FRMD4B: variants seen among roughly 807,000 people sequenced by gnomAD.
The protein encoded by FRMD4B is FERM domain-containing protein 4B.
FRMD4B carries 74 observed loss-of-function variants against 141.5 expected under a neutral mutation model. The observed-to-expected ratio is 0.52, with a 90% CI of 0.43 to 0.63. FRMD4B has a LOEUF of 0.63. FRMD4B is among the 30% of genes least tolerant of loss of function. The probability of loss-of-function intolerance (pLI) is 0.00; values close to 1 mark genes in which losing one functional copy is unlikely to be tolerated. For synonymous variants in FRMD4B, 506 were observed against 467.9 expected (o/e 1.08, Z -1.05); for missense variants, 1,366 against 1,253.4 (o/e 1.09, Z -1.36).
chr3:69,259,211 A>C (rs2093511237), intron 5 of FRMD4B, among the ~76,000 whole-genome samples: 1 of 152,174 alleles, frequency 6.6e-6, no homozygotes, highest in Non-Finnish European at 1.5e-5. Context: ...GATTCCGTGC[A>C]TGTGCAGTTC....
intron 2 of FRMD4B, among the ~76,000 whole-genome samples, chr3:69,416,339 C>T (rs1050076031): frequency 6.6e-6 from 1 of 152,184 alleles, no homozygotes; most frequent in Non-Finnish European, 1.5e-5. Context: ...TGGCTATTCA[C>T]AGGCACCCAC....
chr3:69,438,517 A>C (rs1473899957), intron 1 of FRMD4B, among the ~76,000 whole-genome samples: 1 of 152,162 alleles, frequency 6.6e-6, no homozygotes, highest in Non-Finnish European at 1.5e-5. Context: ...ACATCACTTG[A>C]ATGTGTCATT....
At chr3:69,397,927 A>G (rs896309661) in intron 2 of FRMD4B, among the ~76,000 whole-genome samples, 1 of 152,198 alleles carries the variant, frequency 6.6e-6, no homozygotes, top group Non-Finnish European at 1.5e-5. Context: ...ACCACAGAAA[A>G]CATCTTAACT....
intron 9 of FRMD4B, among the ~76,000 whole-genome samples, chr3:69,221,445 T>G (rs2093194053): frequency 6.6e-6 from 1 of 152,168 alleles, no homozygotes; most frequent in East Asian, 1.9e-4. Context: ...TTGGCTAACA[T>G]TGCATTAAAT....
rs141684426 is a variant in FRMD4B at position 69,309,422 on chromosome 3, G to A, written c.323+1841C>T. On this transcript the variant is annotated intron_variant, in intron 3 of 22. Transcript: ENST00000398540. The stretch of plus-strand genomic sequence containing the variant: ...CTCCAAAAGTGTTAGGATCACAGGT[G>A]TGAGCCACTCTTAATGTAAATATAT... Among the ~76,000 whole-genome samples the A allele has an allele frequency of 7.8e-3, 1,184 of 150,892 alleles. 9 individuals are homozygous for A. Among genetic ancestry groups the A allele is most frequent in the Non-Finnish European group, 0.013 (876 of 67,862 alleles).
At chr3:69,408,033 A>T (rs1330078261) in intron 2 of FRMD4B, among the ~76,000 whole-genome samples, 1 of 152,014 alleles carries the variant, frequency 6.6e-6, no homozygotes, top group Non-Finnish European at 1.5e-5. Flanking sequence ...TAGCTACTTA[A>T]CTCTGCTGTT....
chr3:69,355,132 C>T (rs540990428), intron 1 of FRMD4B, among the ~76,000 whole-genome samples: 10 of 152,100 alleles, frequency 6.6e-5, no homozygotes, highest in South Asian at 4.2e-4. Flanking sequence ...GGAGATGCTG[C>T]GCTGTGATAA....
chr3:69,198,553 C>A, intron 12 of FRMD4B, 145 bp downstream of exon 12: 1 of 616,384 alleles, frequency 1.6e-6, no homozygotes, highest in South Asian at 2.1e-5. Context: ...AAGATAGTTA[C>A]CATTTGACCC....
chr3:69,388,898 T>G (rs1326262678), upstream of FRMD4B, among the ~76,000 whole-genome samples: 2 of 152,188 alleles, frequency 1.3e-5, no homozygotes, highest in Non-Finnish European at 2.9e-5. Flanking sequence ...ATGGATATAT[T>G]GCATTGTGGC....
intron 1 of FRMD4B, among the ~76,000 whole-genome samples, chr3:69,352,600 T>C (rs1465792843): frequency 6.6e-6 from 1 of 152,086 alleles, no homozygotes; most frequent in East Asian, 1.9e-4. Context: ...GGAAGAAAAA[T>C]GGCCACATGG....
At chr3:69,285,445 G>A (rs1045398270) in intron 5 of FRMD4B, among the ~76,000 whole-genome samples, 22 of 147,012 alleles carry the variant, frequency 1.5e-4, no homozygotes, top group Admixed American at 1.3e-3. Context: ...AAATGTTTCC[G>A]AATTTGATGA....
intron 22 of FRMD4B, among the ~76,000 whole-genome samples, chr3:69,175,010 G>A (rs2092627682): frequency 6.6e-6 from 1 of 152,020 alleles, no homozygotes; most frequent in African/African-American, 2.4e-5. Flanking sequence ...TATAGCCTTT[G>A]TTTAGCTGAG....
chr3:69,278,457 T>C (rs1048702137), intron 5 of FRMD4B, among the ~76,000 whole-genome samples: 1 of 151,288 alleles, frequency 6.6e-6, no homozygotes, highest in Non-Finnish European at 1.5e-5. Flanking sequence ...CACTAACTTA[T>C]TGGCTATTTT....
At position 69,182,656 on chromosome 3, in the gene FRMD4B, G is replaced by A. The variant is rs2092720384; in HGVS notation, c.1981C>T (p.Arg661Ter). 1 of 1,613,610 alleles carries A rather than the reference G, an allele frequency of 6.2e-7. No homozygotes were observed. Among genetic ancestry groups the A allele is most frequent in the Middle Eastern group, 1.6e-4 (1 of 6,062 alleles). The change falls in exon 20 of 23, where the codon CGA (arginine) becomes TGA (stop). Residue 661 changes from arginine to a stop codon, truncating the protein, a stop_gained. Transcript: ENST00000398540. LOFTEE classifies it high-confidence loss of function. ...KTLERRPQGG[R>*]SMPTTPVLTR... The stretch of plus-strand genomic sequence containing the variant: ...AGAACTGGCGTGGTGGGCATGCTTC[G>A]TCCTCCCTGGGGCCGCCTCTCCAGA...
At position 69,248,418 on chromosome 3, in the gene FRMD4B, C is replaced by T. The variant is rs2093439621; in HGVS notation, c.581+808G>A. Among the ~76,000 whole-genome samples, 4 of 152,156 alleles carry T rather than the reference C, an allele frequency of 2.6e-5. 1 individual carries two copies. The South Asian group carries it at 8.3e-4, about 31-fold the overall frequency. On this transcript the variant is annotated intron_variant, in intron 7 of 22. Coordinates refer to ENST00000398540, the MANE Select transcript of FRMD4B (RefSeq NM_015123.3). ...TCCGAACTGAAGTACAACTCCGTAA[C>T]TGGAAGTTTTCAAGGTTGGAAGGCA... is the stretch of plus-strand genomic sequence containing the variant.
chr3:69,281,045 C>T (rs1219696853), intron 5 of FRMD4B, among the ~76,000 whole-genome samples: 1 of 152,164 alleles, frequency 6.6e-6, no homozygotes, highest in Non-Finnish European at 1.5e-5. Flanking sequence ...ATTCTCCTGC[C>T]TCAGCCTCCC....
chr3:69,442,934 G>A (rs1371355062), intron 1 of FRMD4B, among the ~76,000 whole-genome samples: 1 of 152,196 alleles, frequency 6.6e-6, no homozygotes, highest in African/African-American at 2.4e-5. Flanking sequence ...TTCTTCCCCA[G>A]TTCCTGGCAA....
chr3:69,246,267 G>A (rs1330502029), intron 7 of FRMD4B, among the ~76,000 whole-genome samples: 1 of 152,080 alleles, frequency 6.6e-6, no homozygotes, highest in Non-Finnish European at 1.5e-5. Flanking sequence ...ACCAGCCTGG[G>A]TAACATGGTG....
At chr3:69,497,772 C>CT in intron 1 of FRMD4B, among the ~76,000 whole-genome samples, 1 of 152,132 alleles carries the variant, frequency 6.6e-6, no homozygotes, top group South Asian at 2.1e-4. Context: ...TGCAATGGTT[C>CT]TTCACAGGTA....
Sources: gnomAD v4.1 joint callset for allele counts (sites outside exome capture counted in the v4.1 genomes callset) on GRCh38, gnomAD v4.1.1 for gene constraint, MANE v1.5 for transcripts, NCBI Gene and HGNC (gene_info 2026-07-23, HGNC 2026-07-21) for gene names.